Variants in DEPDC1B observed in about 807,000 individuals in gnomAD.
The protein encoded by DEPDC1B is DEP domain containing 1B.
Under a neutral mutation model 66.5 loss-of-function variants are expected in DEPDC1B, and 51 were observed. The ratio of observed to expected loss-of-function variants is 0.77; its 90% CI spans 0.61 to 0.97. DEPDC1B has a LOEUF of 0.97. DEPDC1B is among the 50% of genes least tolerant of loss of function. The probability of loss-of-function intolerance (pLI) is 0.00; values close to 1 mark genes in which losing one functional copy is unlikely to be tolerated. For missense variants in DEPDC1B, 552 were observed against 637.1 expected, an observed-to-expected ratio of 0.87 and a Z score of 1.44; for synonymous variants, 226 against 223.6, an observed-to-expected ratio of 1.01 and a Z score of -0.10.
chr5:60,622,266 G>C (rs936554216), intron 7 of DEPDC1B, among the ~76,000 whole-genome samples: 1 of 152,098 alleles, frequency 6.6e-6, no homozygotes, highest in African/African-American at 2.4e-5. Context: ...AGCAACCTCT[G>C]ACCTGCTTTC....
At chr5:60,606,404 T>C (rs1201352778) in intron 7 of DEPDC1B, among the ~76,000 whole-genome samples, 1 of 152,102 alleles carries the variant, frequency 6.6e-6, no homozygotes, top group East Asian at 1.9e-4. Context: ...TTAGGCTATC[T>C]TTCTTAGTTA....
At chr5:60,669,663 G>C (rs1389915200) in intron 2 of DEPDC1B, among the ~76,000 whole-genome samples, 1 of 152,198 alleles carries the variant, frequency 6.6e-6, no homozygotes, top group Admixed American at 6.5e-5. Context: ...TAAAGTGTTT[G>C]AGGAAAGGAG....
chr5:60,661,720 C>T (rs577854600), intron 2 of DEPDC1B, among the ~76,000 whole-genome samples: 19 of 152,198 alleles, frequency 1.2e-4, no homozygotes, highest in African/African-American at 4.3e-4. Flanking sequence ...AACTGCAGCC[C>T]GAGAGTTTGG....
At chr5:60,656,497 GC>G (rs1246383937) in intron 2 of DEPDC1B, among the ~76,000 whole-genome samples, 18 of 152,110 alleles carry the variant, frequency 1.2e-4, no homozygotes, top group Non-Finnish European at 2.5e-4. Context: ...TTTGTTTAGT[GC>G]TGCCAGTGGA....
intron 1 of DEPDC1B, among the ~76,000 whole-genome samples, chr5:60,690,695 C>G (rs548321347): frequency 1.3e-5 from 2 of 151,862 alleles, no homozygotes; most frequent in East Asian, 1.9e-4. Context: ...ATTTTTCTGA[C>G]GTCATCTTTT....
intron 9 of DEPDC1B, among the ~76,000 whole-genome samples, chr5:60,600,756 C>A (rs1050184184): frequency 6.6e-6 from 1 of 152,210 alleles, no homozygotes; most frequent in Non-Finnish European, 1.5e-5. Context: ...CAAGTAATAG[C>A]AAAGGGCTCA....
rs867434976 is a variant in DEPDC1B, at chr5:60,606,169, A to G, written c.899-313T>C. Among the ~76,000 whole-genome samples, 6 of 152,248 alleles carry G rather than the reference A, an allele frequency of 3.9e-5. No homozygotes were observed. In the South Asian group the frequency reaches 1.2e-3, roughly 32 times the overall value. ...GAGCAGCCAGGCTAACACTATCATAACCCTCAACACTCACGTTGTTAATAA... is the reference window on the plus strand; with the variant it reads ...GAGCAGCCAGGCTAACACTATCATAGCCCTCAACACTCACGTTGTTAATAA... On this transcript the variant is annotated intron_variant, in intron 7 of 10. Coordinates refer to ENST00000265036, the MANE Select transcript of DEPDC1B (RefSeq NM_018369.3).
chr5:60,687,849 G>A, intron 1 of DEPDC1B: 2 of 197,924 alleles, frequency 1.0e-5, no homozygotes, highest in Non-Finnish European at 2.1e-5. Flanking sequence ...CTATTGATAG[G>A]AAAAAAAACT....
intron 2 of DEPDC1B, among the ~76,000 whole-genome samples, chr5:60,673,221 A>G (rs2111990945): frequency 6.6e-6 from 1 of 152,328 alleles, no homozygotes; most frequent in Admixed American, 6.5e-5. Context: ...TGATTCAAGC[A>G]GAGTTAATTC....
chr5:60,604,433 C>G (rs1752270539), intron 8 of DEPDC1B, among the ~76,000 whole-genome samples: 1 of 151,546 alleles, frequency 6.6e-6, no homozygotes, highest in Admixed American at 6.6e-5. Flanking sequence ...GTTGGTCAGG[C>G]TGGTCTAGAA....
At chr5:60,605,945 A>G (rs2111718512) in intron 7 of DEPDC1B, 89 bp from the exon 8 acceptor site, 1 of 1,066,648 alleles carries the variant, frequency 9.4e-7, no homozygotes, top group Non-Finnish European at 1.3e-6. Flanking sequence ...ATATATTAGT[A>G]AAATTACATA....
chr5:60,667,810 TA>T lies in DEPDC1B; in HGVS notation c.314+19151del, dbSNP rs1410819191. Among the ~76,000 whole-genome samples, 6 of 128,026 alleles carry T rather than the reference TA, an allele frequency of 4.7e-5. 2 individuals carry two copies. Among genetic ancestry groups the T allele is most frequent in the Admixed American group, 3.3e-4 (4 of 12,090 alleles). The allele number at this position is 128,026 out of a possible 152,430, so 84.0% of individuals were successfully genotyped here. A position where few individuals can be genotyped will look rare whatever the true frequency, so the allele number is the denominator to read the frequency against. On this transcript the variant is annotated intron_variant, in intron 2 of 10. Transcript: ENST00000265036. ...AAAAAATGGATATTTTACATATATA[TA>T]AAAAATGGATATTTTACATATATGT...
chr5:60,677,324 A>T (rs867467544), intron 2 of DEPDC1B, among the ~76,000 whole-genome samples: 1,312 of 78,478 alleles, frequency 0.017, 9 homozygotes, highest in African/African-American at 0.056. Flanking sequence ...ACACACACAC[A>T]CACTCTCTCT....
chr5:60,625,685 G>C (rs1752795014), intron 7 of DEPDC1B, among the ~76,000 whole-genome samples: 1 of 152,088 alleles, frequency 6.6e-6, no homozygotes, highest in African/African-American at 2.4e-5. Context: ...GACAAAAAAA[G>C]ATACATTCTA....
rs758371557 is a variant in DEPDC1B, at chr5:60,645,552, T to C, written c.518A>G (p.His173Arg). 9.3e-6 allele frequency: 15 copies of C among 1,613,344 alleles called. No individual in the cohort carries two copies. In the South Asian group the frequency reaches 1.5e-4, roughly 17 times the overall value. Reference protein sequence around the residue: ...IGEVPACRLVHRRQLTEANVE... With the variant: ...IGEVPACRLVRRRQLTEANVE... ...ATTGGCCTCTGTCAGCTGTCTGCGG[T>C]GGACAAGACGGCAAGCTGGCACCTC... The change falls in exon 4 of 11, where the codon CAC (histidine) becomes CGC (arginine). Residue 173 changes from histidine (H) to arginine (R), a missense_variant. Physicochemically the swap from His to Arg is conservative, Grantham distance 29. Transcript: ENST00000265036.
rs932717331 is a variant in DEPDC1B at position 60,599,193 on chromosome 5, G to A, written c.1310C>T (p.Pro437Leu). 4 of 1,612,524 alleles carry A rather than the reference G, an allele frequency of 2.5e-6. No homozygotes were observed. The highest frequency in any genetic ancestry group is 3.4e-6 in the Non-Finnish European group (4 of 1,179,428). The change falls in exon 10 of 11, where the codon CCA becomes CTA. Residue 437 changes from proline to leucine, a missense_variant. Pro to Leu is a moderately conservative substitution (Grantham distance 98). Coordinates refer to ENST00000265036, the MANE Select transcript of DEPDC1B (RefSeq NM_018369.3). ...SAPSFCRQIS[P>L]EEFEYQRSYG... The stretch of plus-strand genomic sequence containing the variant: ...TGATCTTTGATATTCAAATTCCTCT[G>A]GACTAATTTGACGGCAAAATGATGG...
intron 2 of DEPDC1B, among the ~76,000 whole-genome samples, chr5:60,667,384 C>A (rs1293346808): frequency 2.2e-5 from 3 of 138,998 alleles, no homozygotes; most frequent in Non-Finnish European, 4.7e-5. Context: ...TACATATATA[C>A]AAAAAATGGA....
At chr5:60,676,555 C>T (rs1754166716) in intron 2 of DEPDC1B, among the ~76,000 whole-genome samples, 1 of 152,174 alleles carries the variant, frequency 6.6e-6, no homozygotes, top group Non-Finnish European at 1.5e-5. Flanking sequence ...TCATGATTTC[C>T]TGACCTAAGA....
chr5:60,647,489 G>A lies in DEPDC1B; in HGVS notation c.359C>T (p.Pro120Leu), dbSNP rs761664638. 1 of 1,612,304 alleles carries A rather than the reference G, an allele frequency of 6.2e-7. No homozygotes were observed. The highest frequency in any genetic ancestry group is 1.3e-5 in the African/African-American group (1 of 74,862). Residue 120 changes from proline (P) to leucine (L), a missense_variant, in exon 3 of 11, where the codon CCA (proline) becomes CTA (leucine). Transcript: ENST00000265036. ...SPLKPYPKKP[P>L]NQKDVIKFPE... ...AAATTTAATAACATCCTTTTGGTTT[G>A]GGGGCTTCTTTGGATATGGTTTCAG...
Sources: gnomAD v4.1 joint callset for allele counts (sites outside exome capture counted in the v4.1 genomes callset) on GRCh38, gnomAD v4.1.1 for gene constraint, MANE v1.5 for transcripts, NCBI Gene and HGNC (gene_info 2026-07-23, HGNC 2026-07-21) for gene names.